The following PCNX1 variants were observed in gnomAD, a reference collection of about 807,000 sequenced individuals.
PCNX1 encodes the protein pecanex 1.
A neutral mutation model predicts 242.2 loss-of-function variants in PCNX1; 78 were observed. The observed-to-expected ratio is 0.32, with a 90% CI of 0.27 to 0.39. The LOEUF (loss-of-function observed/expected upper bound fraction) is 0.39, where lower values mean the gene tolerates loss of function less well. Ranked by LOEUF, PCNX1 falls within the 10% of genes least tolerant of loss-of-function variation. The probability of loss-of-function intolerance (pLI) is 1.00; values close to 1 mark genes in which losing one functional copy is unlikely to be tolerated. For missense variants in PCNX1, 2,581 were observed against 2,856.5 expected (o/e 0.90, Z 2.20); for synonymous variants, 1,024 against 1,032.9 (o/e 0.99, Z 0.17).
chr14:71,037,761 G>A (rs1199237947), intron 19 of PCNX1, among the ~76,000 whole-genome samples: 11 of 151,390 alleles, frequency 7.3e-5, no homozygotes, highest in East Asian at 1.9e-4. Context: ...AGCCCGCATC[G>A]CCAAGTGAAT....
intron 26 of PCNX1, among the ~76,000 whole-genome samples, chr14:71,065,272 C>T (rs2061419401): frequency 1.3e-5 from 2 of 152,232 alleles, no homozygotes; most frequent in South Asian, 4.1e-4. Flanking sequence ...ACATCCTCTC[C>T]AGCATCTGTT....
intron 1 of PCNX1, among the ~76,000 whole-genome samples, chr14:70,922,025 C>T (rs770600523): frequency 1.3e-5 from 2 of 152,076 alleles, no homozygotes; most frequent in Non-Finnish European, 2.9e-5. Flanking sequence ...TTTGTGAATG[C>T]CTGAAAACAT....
intron 28 of PCNX1, chr14:71,085,726 G>T: frequency 3.9e-6 from 1 of 258,834 alleles, no homozygotes; most frequent in Non-Finnish European, 7.8e-6. Context: ...TGTCATCGAG[G>T]CAGGAATAAA....
chr14:71,020,185 A>G (rs555398211), intron 12 of PCNX1, among the ~76,000 whole-genome samples: 2 of 152,232 alleles, frequency 1.3e-5, no homozygotes, highest in Admixed American at 6.5e-5. Flanking sequence ...TCTATCATTG[A>G]TGGGCATTTG....
chr14:70,937,048 G>T (rs1172510666), intron 1 of PCNX1, among the ~76,000 whole-genome samples: 1 of 103,184 alleles, frequency 9.7e-6, no homozygotes. Context: ...TTGTCAGATG[G>T]ATAGATTGTA....
At chr14:70,924,047 A>G (rs547813414) in intron 1 of PCNX1, among the ~76,000 whole-genome samples, 24 of 152,166 alleles carry the variant, frequency 1.6e-4, no homozygotes, top group African/African-American at 5.3e-4. Flanking sequence ...CCTGGGCTCT[A>G]TGGGGAAACC....
intron 30 of PCNX1, among the ~76,000 whole-genome samples, chr14:71,094,932 A>T (rs571617399): frequency 4.6e-5 from 7 of 152,048 alleles, no homozygotes; most frequent in Non-Finnish European, 4.4e-5. Flanking sequence ...CCTTGTCTCT[A>T]AAAAAAACCC....
intron 28 of PCNX1, among the ~76,000 whole-genome samples, chr14:71,081,073 C>T (rs538797117): frequency 6.6e-6 from 1 of 152,270 alleles, no homozygotes; most frequent in East Asian, 1.9e-4. Flanking sequence ...GAGTTTTTAG[C>T]ATGAAGGGCT....
At chr14:70,988,832 C>T (rs1187208753) in intron 7 of PCNX1, 133 bp downstream of exon 7, 9 of 1,098,708 alleles carry the variant, frequency 8.2e-6, no homozygotes, top group Non-Finnish European at 1.2e-5. Context: ...TACATTTAAG[C>T]CCTTTTTGGC....
At chr14:71,006,782 T>G (rs2059681373) in intron 8 of PCNX1, among the ~76,000 whole-genome samples, 1 of 152,228 alleles carries the variant, frequency 6.6e-6, no homozygotes. Context: ...GTAGGATACA[T>G]TAGCACATTA....
intron 16 of PCNX1, chr14:71,031,815 G>C: frequency 1.3e-6 from 2 of 1,486,202 alleles, no homozygotes; most frequent in East Asian, 4.5e-5. Flanking sequence ...GCTTGGCAGC[G>C]AGGAGAGGGA....
At chr14:71,008,907 A>T (rs76419750) in intron 8 of PCNX1, among the ~76,000 whole-genome samples, 6,791 of 152,142 alleles carry the variant, frequency 0.045, 274 homozygotes, top group East Asian at 0.25. Context: ...GAGTTTTAAA[A>T]TTTCATTATT....
intron 12 of PCNX1, among the ~76,000 whole-genome samples, chr14:71,021,905 G>A (rs1351580491): frequency 6.6e-6 from 1 of 152,016 alleles, no homozygotes; most frequent in East Asian, 1.9e-4. Flanking sequence ...TCGGTTTACA[G>A]TTCCTTTCCA....
In PCNX1 at chr14:71,109,983, G is replaced by C; in HGVS notation, c.*48G>C. 6.4e-7 allele frequency: 1 copy of C among 1,568,028 alleles called. No homozygotes were observed. The highest frequency in any genetic ancestry group is 8.8e-7 in the Non-Finnish European group (1 of 1,138,754). ...TTTCTTTTTCCCTCTCAATTCCAAG[G>C]CATTGGAAAAAGAGAGGAACAAGCA... is the stretch of plus-strand genomic sequence containing the variant. On this transcript the variant is annotated 3_prime_UTR_variant, in exon 36 of 36. Transcript: ENST00000304743.
intron 8 of PCNX1, among the ~76,000 whole-genome samples, chr14:70,998,147 G>A (rs1410454727): frequency 6.6e-6 from 1 of 151,826 alleles, no homozygotes; most frequent in Non-Finnish European, 1.5e-5. Context: ...CTCTGAATCA[G>A]ACATTGTTTA....
rs774059197 is a variant in PCNX1 at position 70,968,168 on chromosome 14, A to G, written c.469-30A>G. The G allele has an allele frequency of 4.5e-6, 7 of 1,552,102 alleles. No homozygotes were observed. In the Admixed American group the frequency reaches 1.2e-4, roughly 26 times the overall value. On this transcript the variant is annotated intron_variant, in intron 3 of 35. Coordinates refer to ENST00000304743, the MANE Select transcript of PCNX1 (RefSeq NM_014982.3). ...TAATGACATAGCTAGCATTTTAATTAGTTTTATTTACTTCATGTCACGTTT... is the reference window on the plus strand; with the variant it reads ...TAATGACATAGCTAGCATTTTAATTGGTTTTATTTACTTCATGTCACGTTT...
At chr14:70,935,079 G>A (rs1398119941) in intron 1 of PCNX1, among the ~76,000 whole-genome samples, 2 of 152,182 alleles carry the variant, frequency 1.3e-5, no homozygotes, top group Non-Finnish European at 2.9e-5. Flanking sequence ...AACCTCAAGA[G>A]TAATCACTGG....
At chr14:70,918,865 G>T (rs12895177) in intron 1 of PCNX1, among the ~76,000 whole-genome samples, 13,004 of 146,030 alleles carry the variant, frequency 0.089, 682 homozygotes, top group Admixed American at 0.18. Context: ...TGGAGTGTTC[G>T]TTTGTTGGTG....
intron 8 of PCNX1, among the ~76,000 whole-genome samples, chr14:71,008,774 G>C (rs1337238283): frequency 6.6e-6 from 1 of 151,332 alleles, no homozygotes; most frequent in Admixed American, 6.6e-5. Context: ...TGGTTGCAGA[G>C]TTGTATACCT....
Sources: allele counts gnomAD v4.1 joint callset (sites outside exome capture counted in the v4.1 genomes callset), GRCh38; gene constraint gnomAD v4.1.1; transcripts MANE v1.5; gene names NCBI Gene and HGNC (gene_info 2026-07-23, HGNC 2026-07-21).